The following ZDHHC14 variants were observed in gnomAD, a reference collection of about 807,000 sequenced individuals.
ZDHHC14 encodes palmitoyltransferase ZDHHC14.
Under a neutral mutation model 47.7 loss-of-function variants are expected in ZDHHC14, and 16 were observed. The ratio of observed to expected loss-of-function variants is 0.34; its 90% CI spans 0.23 to 0.51. The LOEUF is 0.51. ZDHHC14 is among the 20% of genes least tolerant of loss of function. The pLI is 0.97. For synonymous variants in ZDHHC14, 293 were observed against 278.9 expected, an observed-to-expected ratio of 1.05 and a Z score of -0.50; for missense variants, 515 against 662.5, an observed-to-expected ratio of 0.78 and a Z score of 2.44.
At chr6:157,514,186 G>A (rs1425814544) in intron 1 of ZDHHC14, among the ~76,000 whole-genome samples, 2 of 152,208 alleles carry the variant, frequency 1.3e-5, no homozygotes, top group Non-Finnish European at 2.9e-5. Flanking sequence ...TTGAAGGCAC[G>A]TGGGTATAAA....
intron 3 of ZDHHC14, among the ~76,000 whole-genome samples, chr6:157,602,201 CAAAAAA>C (rs67391412): frequency 7.9e-6 from 1 of 126,996 alleles, no homozygotes; most frequent in East Asian, 2.4e-4. Flanking sequence ...GATTCTGTCT[CAAAAAA>C]AAAAAAAAAT....
At chr6:157,606,038 T>C (rs948984480) in intron 3 of ZDHHC14, among the ~76,000 whole-genome samples, 8 of 152,218 alleles carry the variant, frequency 5.3e-5, no homozygotes, top group Non-Finnish European at 1.2e-4. Context: ...AAAACTTCTG[T>C]CATATGTGTA....
intron 3 of ZDHHC14, among the ~76,000 whole-genome samples, chr6:157,622,470 T>C (rs1010897867): frequency 1.3e-5 from 2 of 152,200 alleles, no homozygotes; most frequent in African/African-American, 4.8e-5. Flanking sequence ...ATAGCTCTTT[T>C]TCCTGAACTA....
chr6:157,565,083 A>T (rs1416965756), intron 2 of ZDHHC14, among the ~76,000 whole-genome samples: 1 of 151,974 alleles, frequency 6.6e-6, no homozygotes, highest in African/African-American at 2.4e-5. Flanking sequence ...CACCTCTACT[A>T]AAAATACAAA....
chr6:157,479,414 A>G (rs1268939365), intron 1 of ZDHHC14, among the ~76,000 whole-genome samples: 3 of 152,280 alleles, frequency 2.0e-5, no homozygotes, highest in Non-Finnish European at 2.9e-5. Context: ...ATTTCTGACA[A>G]TCGGTTTCCA....
intron 5 of ZDHHC14, among the ~76,000 whole-genome samples, chr6:157,642,900 C>T (rs1777326471): frequency 6.6e-6 from 1 of 152,198 alleles, no homozygotes; most frequent in Non-Finnish European, 1.5e-5. Flanking sequence ...GCCACAGGTT[C>T]GCGAATCCTG....
At chr6:157,628,884 A>G (rs970719995) in intron 4 of ZDHHC14, among the ~76,000 whole-genome samples, 1 of 152,208 alleles carries the variant, frequency 6.6e-6, no homozygotes, top group Non-Finnish European at 1.5e-5. Flanking sequence ...AGTGATGACC[A>G]TTGAAGAGCA....
intron 1 of ZDHHC14, among the ~76,000 whole-genome samples, chr6:157,392,850 C>T (rs888278079): frequency 6.6e-6 from 1 of 151,940 alleles, no homozygotes; most frequent in Non-Finnish European, 1.5e-5. Flanking sequence ...ACTGCAATGG[C>T]ACTTTTTTTA....
intron 1 of ZDHHC14, among the ~76,000 whole-genome samples, chr6:157,392,451 G>A (rs1777435542): frequency 6.6e-6 from 1 of 152,060 alleles, no homozygotes; most frequent in Non-Finnish European, 1.5e-5. Flanking sequence ...CCCCCCGTGT[G>A]TTGGGGGGTT....
At chr6:157,661,726 AT>A (rs1778350458) in intron 8 of ZDHHC14, among the ~76,000 whole-genome samples, 1 of 152,254 alleles carries the variant, frequency 6.6e-6, no homozygotes, top group Non-Finnish European at 1.5e-5. Flanking sequence ...GAAGAAAGTT[AT>A]ACTGAGGTTC....
chr6:157,626,279 A>G (rs980431393), intron 3 of ZDHHC14, among the ~76,000 whole-genome samples: 1 of 152,158 alleles, frequency 6.6e-6, no homozygotes, highest in Non-Finnish European at 1.5e-5. Flanking sequence ...CCATCCCAGC[A>G]TGTGCTTTTA....
At chr6:157,632,985 C>A in intron 5 of ZDHHC14, 103 bp downstream of exon 5, 1 of 1,241,610 alleles carries the variant, frequency 8.1e-7, no homozygotes, top group Non-Finnish European at 1.2e-6. Context: ...CCTTGCTTCT[C>A]ATGTATCTTA....
rs1204386339 is a variant in ZDHHC14 at position 157,381,570 on chromosome 6, G to A, written c.-452G>A. 1 of 398,588 alleles carries A rather than the reference G, an allele frequency of 2.5e-6. No homozygotes were observed. The highest frequency in any genetic ancestry group is 5.0e-6 in the Non-Finnish European group (1 of 199,976). 24.7% of individuals were successfully genotyped at this position (398,588 alleles called of 1,614,324 possible). A position where few individuals can be genotyped will look rare whatever the true frequency, so the allele number is the denominator to read the frequency against. ...GCCGCGCCGCAGAAGTGGCTCCCGAGGAAGCCGGCGCCGGGGCCGCCGCCT... is the reference window on the plus strand; with the variant it reads ...GCCGCGCCGCAGAAGTGGCTCCCGAAGAAGCCGGCGCCGGGGCCGCCGCCT... On this transcript the variant is annotated 5_prime_UTR_variant, in exon 1 of 9. Transcript: ENST00000359775.
intron 1 of ZDHHC14, among the ~76,000 whole-genome samples, chr6:157,413,779 G>T (rs1777917814): frequency 6.6e-6 from 1 of 151,998 alleles, no homozygotes. Flanking sequence ...GAAAATGTGT[G>T]CCTGGACTCA....
At chr6:157,480,901 A>G (rs539113462) in intron 1 of ZDHHC14, among the ~76,000 whole-genome samples, 4 of 152,336 alleles carry the variant, frequency 2.6e-5, no homozygotes, top group Non-Finnish European at 5.9e-5. Flanking sequence ...TTATTCTCCA[A>G]TCTTGAAAAT....
intron 8 of ZDHHC14, among the ~76,000 whole-genome samples, chr6:157,666,576 C>T (rs762452226): frequency 2.0e-5 from 3 of 152,198 alleles, no homozygotes; most frequent in Admixed American, 1.3e-4. Flanking sequence ...CAGAGCTTCA[C>T]AGCCAAGCAG....
At position 157,388,979 on chromosome 6, in the gene ZDHHC14, C is replaced by T. The variant is rs1422714133; in HGVS notation, c.245+6713C>T. 2.6e-5 allele frequency among the ~76,000 whole-genome samples: 4 copies of T among 152,060 alleles called. No homozygotes were observed. The East Asian group carries it at 7.7e-4, about 29-fold the overall frequency. ...CTCAGGGATTTTGAGTGTGTGTATT[C>T]CCAAACAATACGTTGTTTAGTTTGG... is the stretch of plus-strand genomic sequence containing the variant. On this transcript the variant is annotated intron_variant, in intron 1 of 8. Transcript: ENST00000359775.
intron 1 of ZDHHC14, among the ~76,000 whole-genome samples, chr6:157,462,687 C>T (rs577347540): frequency 2.0e-5 from 3 of 152,222 alleles, no homozygotes; most frequent in Non-Finnish European, 4.4e-5. Flanking sequence ...GTTTATAAAT[C>T]TTCCCTTAGC....
At chr6:157,453,068 G>A (rs1778839766) in intron 1 of ZDHHC14, among the ~76,000 whole-genome samples, 1 of 151,996 alleles carries the variant, frequency 6.6e-6, no homozygotes, top group African/African-American at 2.4e-5. Flanking sequence ...TCTATCTGTT[G>A]TATTCCTTTT....
Sources: gnomAD v4.1 joint callset for allele counts (sites outside exome capture counted in the v4.1 genomes callset) on GRCh38, gnomAD v4.1.1 for gene constraint, MANE v1.5 for transcripts, NCBI Gene and HGNC (gene_info 2026-07-23, HGNC 2026-07-21) for gene names.